DLG2: variants seen among roughly 807,000 people sequenced by gnomAD.
DLG2 encodes the protein discs large MAGUK scaffold protein 2, also known as disks large homolog 2.
In DLG2, 45 loss-of-function variants were observed where a neutral mutation model predicts 132.5. The observed-to-expected ratio is 0.34, with a 90% CI of 0.27 to 0.44. The LOEUF is 0.44. Ranked by LOEUF, DLG2 falls within the 20% of genes least tolerant of loss-of-function variation. DLG2 has a pLI of 1.00. For synonymous variants in DLG2, 424 were observed against 419.6 expected (o/e 1.01, Z -0.13); for missense variants, 1,045 against 1,196.9 (o/e 0.87, Z 1.87).
rs1293343242 is a variant in DLG2, at chr11:84,059,457, A to G, written c.777T>C (p.Asn259=). 4.3e-6 allele frequency: 7 copies of G among 1,609,414 alleles called. No individual in the cohort carries two copies. The highest frequency in any genetic ancestry group is 3.4e-5 in the Admixed American group (2 of 59,228). Residue 259 remains asparagine, a synonymous_variant, in exon 11 of 28, where the codon AAT becomes AAC. Transcript: ENST00000376104. ...LRVNDCILRV[N]EVDVSEVSHS... Reference sequence around the variant, plus strand: ...GGGAAACCTCTGACACATCAACCTCATTCACCCGCAAGATACAATCATTGA... The same window carrying G: ...GGGAAACCTCTGACACATCAACCTCGTTCACCCGCAAGATACAATCATTGA...
intron 6 of DLG2, among the ~76,000 whole-genome samples, chr11:84,878,195 A>G (rs1170963409): frequency 6.6e-6 from 1 of 152,228 alleles, no homozygotes; most frequent in East Asian, 1.9e-4. Flanking sequence ...CATGTGACCC[A>G]GCAATCCCAT....
At chr11:83,770,541 G>C (rs570305754) in intron 18 of DLG2, among the ~76,000 whole-genome samples, 1 of 151,968 alleles carries the variant, frequency 6.6e-6, no homozygotes, top group East Asian at 1.9e-4. Flanking sequence ...ACATACATTT[G>C]GATGTATAAA....
At chr11:83,989,360 T>TG (rs2154181315) in intron 11 of DLG2, among the ~76,000 whole-genome samples, 2 of 152,248 alleles carry the variant, frequency 1.3e-5, no homozygotes, top group East Asian at 3.9e-4. Context: ...AATAAAGGAG[T>TG]AAGTATATCT....
intron 7 of DLG2, among the ~76,000 whole-genome samples, chr11:84,398,263 A>C (rs1223125765): frequency 6.6e-6 from 1 of 152,200 alleles, no homozygotes; most frequent in Non-Finnish European, 1.5e-5. Context: ...GAAAGCTCTT[A>C]AAAAGGGAGT....
chr11:85,232,822 G>C (rs2075371026), intron 4 of DLG2, among the ~76,000 whole-genome samples: 1 of 151,844 alleles, frequency 6.6e-6, no homozygotes, highest in African/African-American at 2.4e-5. Context: ...TTAACACATG[G>C]AAAGACAGGA....
At chr11:84,830,806 TATAAGATA>T (rs1386091339) in intron 6 of DLG2, among the ~76,000 whole-genome samples, 1 of 151,570 alleles carries the variant, frequency 6.6e-6, no homozygotes, top group African/African-American at 2.4e-5. Flanking sequence ...CTTTTCAATG[TATAAGATA>T]ATAAGATAAT....
intron 11 of DLG2, among the ~76,000 whole-genome samples, chr11:84,033,841 C>G (rs1295237433): frequency 6.6e-6 from 1 of 152,094 alleles, no homozygotes; most frequent in African/African-American, 2.4e-5. Flanking sequence ...GAGTTCAAGA[C>G]CAGCCTGACC....
In DLG2 at chr11:84,171,509, T is replaced by C. The variant is rs942600188; in HGVS notation, c.574-7998A>G. ...GACTCTGTTTCTGAGTTATTTTACTTAAGATAATGGCCTCCAGTTTTATCC... is the reference window on the plus strand; with the variant it reads ...GACTCTGTTTCTGAGTTATTTTACTCAAGATAATGGCCTCCAGTTTTATCC... On this transcript the variant is annotated intron_variant, in intron 8 of 27. Transcript: ENST00000376104. Among the ~76,000 whole-genome samples, 110 of 152,204 alleles carry C rather than the reference T, an allele frequency of 7.2e-4. 3 individuals carry two copies. Among genetic ancestry groups the C allele is most frequent in the Admixed American group, 7.2e-3 (110 of 15,266 alleles).
intron 19 of DLG2, among the ~76,000 whole-genome samples, chr11:83,630,685 A>C (rs952562830): frequency 3.3e-5 from 5 of 152,148 alleles, no homozygotes; most frequent in Non-Finnish European, 7.4e-5. Flanking sequence ...CTAGGCCCTT[A>C]GGGAGGCAGA....
intron 3 of DLG2, among the ~76,000 whole-genome samples, chr11:85,546,818 C>CTTT (rs34822004): frequency 3.2e-3 from 223 of 68,920 alleles, no homozygotes; most frequent in Non-Finnish European, 3.6e-3. Flanking sequence ...ATAACCCCTG[C>CTTT]TTTTTTTTTT....
At chr11:83,850,247 G>A (rs991738784) in intron 16 of DLG2, among the ~76,000 whole-genome samples, 5 of 151,620 alleles carry the variant, frequency 3.3e-5, no homozygotes, top group Non-Finnish European at 7.4e-5. Context: ...TCCGCTTCCC[G>A]GGTTCAAGAG....
At chr11:85,183,401 AG>A in intron 4 of DLG2, among the ~76,000 whole-genome samples, 1 of 152,090 alleles carries the variant, frequency 6.6e-6, no homozygotes, top group Non-Finnish European at 1.5e-5. Flanking sequence ...ACCCCAAAGT[AG>A]TTATCATCTA....
chr11:85,376,284 G>A (rs1448197785), intron 3 of DLG2, among the ~76,000 whole-genome samples: 1 of 152,110 alleles, frequency 6.6e-6, no homozygotes, highest in Non-Finnish European at 1.5e-5. Flanking sequence ...AGCAGTATTT[G>A]AATTTGGGCC....
intron 6 of DLG2, among the ~76,000 whole-genome samples, chr11:85,086,024 A>C (rs895539873): frequency 1.3e-5 from 2 of 152,116 alleles, no homozygotes; most frequent in African/African-American, 2.4e-5. Context: ...TTTATCCCCC[A>C]AAAAACTTTT....
intron 17 of DLG2, among the ~76,000 whole-genome samples, chr11:83,828,893 T>C (rs2053679124): frequency 6.6e-6 from 1 of 152,200 alleles, no homozygotes; most frequent in Non-Finnish European, 1.5e-5. Context: ...TATGTGTTTA[T>C]ATACATATAC....
chr11:84,900,549 AT>A (rs1212775326), intron 6 of DLG2, among the ~76,000 whole-genome samples: 1 of 152,082 alleles, frequency 6.6e-6, no homozygotes, highest in Non-Finnish European at 1.5e-5. Flanking sequence ...TTAGTCAACT[AT>A]TTTAATATCA....
chr11:84,083,194 C>A (rs868239961), intron 10 of DLG2, among the ~76,000 whole-genome samples: 1 of 152,094 alleles, frequency 6.6e-6, no homozygotes, highest in East Asian at 1.9e-4. Flanking sequence ...GCAGGAGAAT[C>A]GCTTGAACCC....
intron 3 of DLG2, among the ~76,000 whole-genome samples, chr11:85,502,291 T>C (rs770355988): frequency 1.3e-5 from 2 of 150,498 alleles, no homozygotes; most frequent in South Asian, 2.1e-4. Context: ...AGGGGAGGGA[T>C]AACATTAGGA....
rs141613305 is a variant in DLG2, at chr11:84,424,330, A to T, written c.519+110240T>A. Among the ~76,000 whole-genome samples the T allele has an allele frequency of 3.3e-5, 5 of 152,272 alleles. No homozygotes were observed. In the East Asian group the frequency reaches 9.6e-4, roughly 29 times the overall value. On this transcript the variant is annotated intron_variant, in intron 7 of 27. Transcript: ENST00000376104. Reference sequence around the variant, plus strand: ...AAGTTGTTCAAAATAGTCCTACTACAGGTCAAAATCAGAGGCAGAGAATGA... The same window carrying T: ...AAGTTGTTCAAAATAGTCCTACTACTGGTCAAAATCAGAGGCAGAGAATGA...
Sources: allele counts gnomAD v4.1 joint callset (sites outside exome capture counted in the v4.1 genomes callset), GRCh38; gene constraint gnomAD v4.1.1; transcripts MANE v1.5; gene names NCBI Gene and HGNC (gene_info 2026-07-23, HGNC 2026-07-21).